Variants in SORCS3 observed in about 807,000 individuals in gnomAD.
SORCS3 encodes VPS10 domain-containing receptor SorCS3.
A neutral mutation model predicts 146.3 loss-of-function variants in SORCS3; 57 were observed. The observed-to-expected ratio is 0.39, with a 90% CI of 0.31 to 0.49. The LOEUF is 0.49. SORCS3 is among the 20% of genes least tolerant of loss of function. SORCS3 has a pLI of 0.92. For synonymous variants in SORCS3, 653 were observed against 618.5 expected, an observed-to-expected ratio of 1.06 and a Z score of -0.83; for missense variants, 1,341 against 1,575.5, an observed-to-expected ratio of 0.85 and a Z score of 2.52.
At chr10:105,154,777 A>G (rs1380420434) in intron 9 of SORCS3, among the ~76,000 whole-genome samples, 1 of 152,178 alleles carries the variant, frequency 6.6e-6, no homozygotes, top group Non-Finnish European at 1.5e-5. Context: ...ACATACATGC[A>G]TATATGGGTA....
intron 7 of SORCS3, among the ~76,000 whole-genome samples, chr10:105,108,684 CA>C (rs1273392200): frequency 6.6e-6 from 1 of 152,020 alleles, no homozygotes; most frequent in East Asian, 1.9e-4. Flanking sequence ...AACAATGCCC[CA>C]AATAATGTGA....
intron 9 of SORCS3, among the ~76,000 whole-genome samples, chr10:105,149,710 G>A (rs964906682): frequency 1.3e-5 from 2 of 152,122 alleles, no homozygotes; most frequent in Admixed American, 1.3e-4. Context: ...TGACCTTGCA[G>A]TCAAGAAATT....
intron 1 of SORCS3, among the ~76,000 whole-genome samples, chr10:104,690,897 T>C (rs946997076): frequency 3.3e-5 from 5 of 152,236 alleles, no homozygotes; most frequent in African/African-American, 4.8e-5. Flanking sequence ...TGTGTTTGGA[T>C]ACAGATTTTA....
chr10:104,742,459 C>A (rs1196742602), intron 1 of SORCS3, among the ~76,000 whole-genome samples: 1 of 152,106 alleles, frequency 6.6e-6, no homozygotes, highest in African/African-American at 2.4e-5. Flanking sequence ...CCCTGTTTGT[C>A]CTGACAGTGA....
chr10:105,116,099 G>A (rs1327955758), intron 7 of SORCS3, among the ~76,000 whole-genome samples: 2 of 152,158 alleles, frequency 1.3e-5, no homozygotes, highest in Admixed American at 1.3e-4. Flanking sequence ...GATTATAGTG[G>A]TTTGCTGTTA....
intron 1 of SORCS3, among the ~76,000 whole-genome samples, chr10:104,799,084 T>C (rs998956035): frequency 1.3e-5 from 2 of 152,184 alleles, no homozygotes; most frequent in South Asian, 2.1e-4. Flanking sequence ...TAGGAACGCT[T>C]TTACACTGTT....
chr10:105,107,622 T>A (rs1030518904), intron 7 of SORCS3, among the ~76,000 whole-genome samples: 2 of 152,212 alleles, frequency 1.3e-5, no homozygotes, highest in African/African-American at 4.8e-5. Context: ...GCGGTTTCAT[T>A]ATTCAATAAA....
At position 105,136,225 on chromosome 10, in the gene SORCS3, T is replaced by C. The variant is rs373991645; in HGVS notation, c.1213-3172T>C. ...GTCCATGACAAAGACCCCTGCAGGTTTGATGTCTGATGAGGGCTTGGTCTT... is the reference window on the plus strand; with the variant it reads ...GTCCATGACAAAGACCCCTGCAGGTCTGATGTCTGATGAGGGCTTGGTCTT... On this transcript the variant is annotated intron_variant, in intron 7 of 26. Coordinates refer to ENST00000369701, the MANE Select transcript of SORCS3 (RefSeq NM_014978.3). Among the ~76,000 whole-genome samples, 6 of 152,304 alleles carry C rather than the reference T, an allele frequency of 3.9e-5. No homozygotes were observed. In the East Asian group the frequency reaches 7.7e-4, roughly 20 times the overall value.
At chr10:105,042,710 G>C (rs892405253) in intron 4 of SORCS3, among the ~76,000 whole-genome samples, 18 of 152,060 alleles carry the variant, frequency 1.2e-4, no homozygotes, top group Non-Finnish European at 2.4e-4. Context: ...TGTAATATTG[G>C]CTCATATATC....
chr10:105,150,514 A>C (rs2056161062), intron 9 of SORCS3, among the ~76,000 whole-genome samples: 1 of 152,028 alleles, frequency 6.6e-6, no homozygotes, highest in Non-Finnish European at 1.5e-5. Flanking sequence ...CCTGGGGAGG[A>C]AATAGTGAAG....
intron 10 of SORCS3, among the ~76,000 whole-genome samples, chr10:105,158,157 A>AT (rs531389085): frequency 4.5e-4 from 67 of 149,042 alleles, no homozygotes; most frequent in African/African-American, 6.4e-4. Flanking sequence ...CACAGCATGC[A>AT]TTTTTTTTTT....
intron 1 of SORCS3, among the ~76,000 whole-genome samples, chr10:104,677,552 G>A (rs901679929): frequency 3.3e-5 from 5 of 152,152 alleles, no homozygotes; most frequent in African/African-American, 1.2e-4. Flanking sequence ...GGCAGAAAAC[G>A]TTGCTGAAGA....
At chr10:104,918,486 G>A (rs1262763823) in intron 3 of SORCS3, among the ~76,000 whole-genome samples, 1 of 152,144 alleles carries the variant, frequency 6.6e-6, no homozygotes, top group African/African-American at 2.4e-5. Flanking sequence ...AAAGCTTGGT[G>A]CCATGTCCTT....
At chr10:104,881,593 A>G (rs1424191908) in intron 2 of SORCS3, among the ~76,000 whole-genome samples, 1 of 152,200 alleles carries the variant, frequency 6.6e-6, no homozygotes, top group African/African-American at 2.4e-5. Context: ...AACAGATTAA[A>G]GAATCTTATA....
At chr10:104,784,976 G>A (rs1273338522) in intron 1 of SORCS3, among the ~76,000 whole-genome samples, 4 of 152,164 alleles carry the variant, frequency 2.6e-5, no homozygotes, top group South Asian at 4.1e-4. Context: ...CCTCCCAGAC[G>A]GGGTGGTGGC....
chr10:105,247,185 C>T (rs779060678), intron 21 of SORCS3, 34 bp from the exon 22 acceptor site: 2 of 1,304,132 alleles, frequency 1.5e-6, no homozygotes, highest in Non-Finnish European at 2.2e-6. Context: ...TTCTCACTCT[C>T]CCAGCCTCAC....
At chr10:105,077,893 G>T (rs2055599024) in intron 5 of SORCS3, among the ~76,000 whole-genome samples, 1 of 152,118 alleles carries the variant, frequency 6.6e-6, no homozygotes, top group African/African-American at 2.4e-5. Flanking sequence ...TGTGAATCTG[G>T]GGCTAGGGAG....
chr10:104,829,530 G>C (rs1046464899), intron 1 of SORCS3, among the ~76,000 whole-genome samples: 1 of 152,180 alleles, frequency 6.6e-6, no homozygotes, highest in Non-Finnish European at 1.5e-5. Flanking sequence ...ATTTGGGAAA[G>C]TGGCTCTAGA....
At chr10:105,100,014 C>T (rs1230859648) in intron 6 of SORCS3, among the ~76,000 whole-genome samples, 2 of 152,136 alleles carry the variant, frequency 1.3e-5, no homozygotes, top group South Asian at 2.1e-4. Flanking sequence ...TAAGGCAGCC[C>T]TTCTCACCAT....
Sources: allele counts gnomAD v4.1 joint callset (sites outside exome capture counted in the v4.1 genomes callset), GRCh38; gene constraint gnomAD v4.1.1; transcripts MANE v1.5; gene names NCBI Gene and HGNC (gene_info 2026-07-23, HGNC 2026-07-21).